The following ELMO1 variants were observed in gnomAD, a reference collection of about 807,000 sequenced individuals.
ELMO1 encodes engulfment and cell motility protein 1.
In ELMO1, 26 loss-of-function variants were observed where a neutral mutation model predicts 98.9. The observed-to-expected ratio is 0.26, with a 90% CI of 0.19 to 0.36. The LOEUF (loss-of-function observed/expected upper bound fraction) is 0.36, where lower values mean the gene tolerates loss of function less well. Among genes scored for constraint, ELMO1 ranks in the 10% least tolerant of loss-of-function variants. The probability of loss-of-function intolerance (pLI) is 1.00; values close to 1 mark genes in which losing one functional copy is unlikely to be tolerated. For missense variants in ELMO1, 627 were observed against 935.2 expected (o/e 0.67, Z 4.30); for synonymous variants, 346 against 346.0 (o/e 1.00, Z 0.00).
intron 5 of ELMO1, among the ~76,000 whole-genome samples, chr7:37,264,204 C>T (rs564986319): frequency 2.6e-4 from 39 of 152,172 alleles, no homozygotes; most frequent in African/African-American, 8.9e-4. Context: ...TAATGTCACC[C>T]AGCACACAGA....
chr7:36,936,067 C>T (rs908733883), intron 16 of ELMO1, among the ~76,000 whole-genome samples: 9 of 152,246 alleles, frequency 5.9e-5, no homozygotes, highest in Non-Finnish European at 1.0e-4. Context: ...GAATGCTGAC[C>T]ACCCCACCCA....
intron 2 of ELMO1, among the ~76,000 whole-genome samples, chr7:37,317,175 C>G (rs1330101748): frequency 6.6e-6 from 1 of 152,194 alleles, no homozygotes; most frequent in Admixed American, 6.5e-5. Flanking sequence ...CTATCTACGC[C>G]TGCTCCATTG....
chr7:37,293,013 C>T (rs1224536719), intron 4 of ELMO1, among the ~76,000 whole-genome samples: 1 of 59,414 alleles, frequency 1.7e-5, no homozygotes, highest in South Asian at 9.8e-4. Context: ...AGCCACTCTG[C>T]CCAGCCAGCC....
rs912942676 is a variant in ELMO1, at chr7:37,262,579, G to A, written c.244-3229C>T. Reference sequence around the variant, plus strand: ...CCCCACAGGCCTTGCTCCTTCCCTTGGTACCCGTATCTAAGGAGACAACTT... The same window carrying A: ...CCCCACAGGCCTTGCTCCTTCCCTTAGTACCCGTATCTAAGGAGACAACTT... On this transcript the variant is annotated intron_variant, in intron 5 of 21. Coordinates refer to ENST00000310758, the MANE Select transcript of ELMO1 (RefSeq NM_014800.11). 2.0e-5 allele frequency among the ~76,000 whole-genome samples: 3 copies of A among 152,108 alleles called. No homozygotes were observed. In the East Asian group the frequency reaches 5.8e-4, roughly 29 times the overall value.
intron 7 of ELMO1, among the ~76,000 whole-genome samples, chr7:37,243,907 A>ACCT (rs1794873933): frequency 6.6e-6 from 1 of 152,210 alleles, no homozygotes; most frequent in Non-Finnish European, 1.5e-5. Flanking sequence ...TCTCAGACTC[A>ACCT]AAGTAAATAA....
intron 16 of ELMO1, among the ~76,000 whole-genome samples, chr7:36,912,702 A>G (rs1000298005): frequency 6.6e-6 from 1 of 152,208 alleles, no homozygotes; most frequent in Non-Finnish European, 1.5e-5. Flanking sequence ...TTAGTGATAT[A>G]GAGTGGAAAT....
chr7:37,001,357 G>C (rs1463343164), intron 16 of ELMO1, among the ~76,000 whole-genome samples: 1 of 152,118 alleles, frequency 6.6e-6, no homozygotes, highest in Non-Finnish European at 1.5e-5. Context: ...AATGATCATT[G>C]AATTAAACAT....
chr7:37,345,244 C>T (rs772796150), intron 1 of ELMO1, among the ~76,000 whole-genome samples: 3 of 152,132 alleles, frequency 2.0e-5, no homozygotes, highest in Non-Finnish European at 4.4e-5. Context: ...CAGGTCTATT[C>T]CCCATGCTGA....
chr7:37,286,840 A>G (rs1007649439), intron 4 of ELMO1, among the ~76,000 whole-genome samples: 1 of 152,202 alleles, frequency 6.6e-6, no homozygotes, highest in East Asian at 1.9e-4. Context: ...ATGTTTTTAA[A>G]TGCATAAAAT....
rs1246279696 is a variant in ELMO1, at chr7:36,855,715, C to T, written c.2020G>A (p.Gly674Arg). 5.0e-6 allele frequency: 8 copies of T among 1,613,916 alleles called. No homozygotes were observed. Among genetic ancestry groups the T allele is most frequent in the South Asian group, 1.1e-5 (1 of 91,072 alleles). The change falls in exon 22 of 22, where the codon GGG becomes AGG. Residue 674 changes from glycine (G) to arginine (R), a missense_variant. Transcript: ENST00000310758. This position sits in a 1 kb window ranked among gnomAD's most constrained non-coding sequence, Gnocchi z 4.2. ...IWTDGLNALLGKDMMSDLTRN... is the reference protein window; with the variant it reads ...IWTDGLNALLRKDMMSDLTRN... Reference sequence around the variant, plus strand: ...GTCAGGTCGCTCATCATGTCCTTCCCGAGTAGCGCATTCAGTCCATCCGTC... The same window carrying T: ...GTCAGGTCGCTCATCATGTCCTTCCTGAGTAGCGCATTCAGTCCATCCGTC...
intron 1 of ELMO1, among the ~76,000 whole-genome samples, chr7:37,365,235 T>G (rs1212638935): frequency 7.2e-6 from 1 of 138,264 alleles, no homozygotes; most frequent in East Asian, 2.6e-4. Flanking sequence ...GAGAGAAGGG[T>G]CTTTCAAAAG....
intron 13 of ELMO1, among the ~76,000 whole-genome samples, chr7:37,153,354 AAGGGGTCC>A (rs1217609135): frequency 2.6e-5 from 4 of 152,170 alleles, no homozygotes; most frequent in Admixed American, 6.6e-5. Flanking sequence ...CGGGAAGCAC[AAGGGGTCC>A]AGGGATTTCC....
intron 1 of ELMO1, among the ~76,000 whole-genome samples, chr7:37,366,107 G>A (rs1432704361): frequency 6.6e-6 from 1 of 151,964 alleles, no homozygotes; most frequent in Non-Finnish European, 1.5e-5. Context: ...TATTCAAAGG[G>A]GCTAAAAGAT....
At chr7:37,446,467 A>G (rs1805623157) in intron 1 of ELMO1, among the ~76,000 whole-genome samples, 2 of 152,222 alleles carry the variant, frequency 1.3e-5, no homozygotes, top group African/African-American at 4.8e-5. Context: ...ACAACTGGAC[A>G]GAGACCTGAA....
intron 7 of ELMO1, among the ~76,000 whole-genome samples, chr7:37,240,461 A>G (rs1414720239): frequency 1.3e-5 from 2 of 150,622 alleles, no homozygotes; most frequent in African/African-American, 2.4e-5. Context: ...TTTGGCTTTA[A>G]TTTTCTGTAT....
chr7:37,393,717 C>A (rs941475050), intron 1 of ELMO1: 1 of 152,180 alleles, frequency 6.6e-6, no homozygotes, highest in Non-Finnish European at 1.5e-5. Flanking sequence ...TGCTATCAAG[C>A]GGTGCCTGGT....
intron 16 of ELMO1, among the ~76,000 whole-genome samples, chr7:36,914,541 GTC>G (rs1405031131): frequency 3.4e-5 from 5 of 148,132 alleles, no homozygotes; most frequent in African/African-American, 1.3e-4. Flanking sequence ...TTGAGACGGA[GTC>G]TCACTCTGTC....
intron 18 of ELMO1, among the ~76,000 whole-genome samples, chr7:36,886,093 T>G (rs114747673): frequency 6.6e-6 from 1 of 152,164 alleles, no homozygotes; most frequent in Non-Finnish European, 1.5e-5. Flanking sequence ...TACTCTGACA[T>G]GATGCCCGAT....
intron 1 of ELMO1, among the ~76,000 whole-genome samples, chr7:37,427,306 T>A (rs1583744281): frequency 6.6e-6 from 1 of 152,222 alleles, no homozygotes; most frequent in East Asian, 1.9e-4. Context: ...AGGCTAAGAC[T>A]TTTTCAAATT....
Sources: allele counts gnomAD v4.1 joint callset (sites outside exome capture counted in the v4.1 genomes callset), GRCh38; gene constraint gnomAD v4.1.1; non-coding constraint Gnocchi (gnomAD v3.1); transcripts MANE v1.5; gene names NCBI Gene and HGNC (gene_info 2026-07-23, HGNC 2026-07-21).